CSMD3: variants seen among roughly 807,000 people sequenced by gnomAD.
The protein encoded by CSMD3 is CUB and Sushi multiple domains 3, also known as CUB and sushi domain-containing protein 3.
A neutral mutation model predicts 435.2 loss-of-function variants in CSMD3; 177 were observed. The ratio of observed to expected loss-of-function variants is 0.41; its 90% CI spans 0.36 to 0.46. The LOEUF (loss-of-function observed/expected upper bound fraction) is 0.46, where lower values mean the gene tolerates loss of function less well. CSMD3 is among the 20% of genes least tolerant of loss of function. The pLI, the probability that CSMD3 is intolerant of heterozygous loss-of-function variation, is 0.34. For synonymous variants in CSMD3, 1,656 were observed against 1,520.5 expected (o/e 1.09, Z -2.07); for missense variants, 4,265 against 4,504.6 (o/e 0.95, Z 1.52).
At position 113,074,576 on chromosome 8, in the gene CSMD3, A is replaced by G. The variant is rs146768355; in HGVS notation, c.917+24180T>C. On this transcript the variant is annotated intron_variant, in intron 5 of 70. Coordinates refer to ENST00000297405, the MANE Select transcript of CSMD3 (RefSeq NM_198123.2). ...CTTAGTCAATGGAATTATGTATCATATAATCTTACTTGCTATAGTTAGTTA... is the reference window on the plus strand; with the variant it reads ...CTTAGTCAATGGAATTATGTATCATGTAATCTTACTTGCTATAGTTAGTTA... 9.5e-3 allele frequency among the ~76,000 whole-genome samples: 1,450 copies of G among 152,044 alleles called. 8 individuals are homozygous for G. The highest frequency in any genetic ancestry group is 0.015 in the Non-Finnish European group (1,000 of 67,816).
intron 5 of CSMD3, among the ~76,000 whole-genome samples, chr8:113,064,499 T>C (rs2088766775): frequency 6.6e-6 from 1 of 152,172 alleles, no homozygotes; most frequent in African/African-American, 2.4e-5. Flanking sequence ...AATTAATTCA[T>C]TTATTTAAGA....
At chr8:112,903,175 A>G (rs973547631) in intron 10 of CSMD3, among the ~76,000 whole-genome samples, 1 of 148,480 alleles carries the variant, frequency 6.7e-6, no homozygotes, top group East Asian at 2.0e-4. Context: ...AAAAAAAAAA[A>G]GAAAAGAAAA....
intron 1 of CSMD3, among the ~76,000 whole-genome samples, chr8:113,359,883 T>C (rs953818031): frequency 6.6e-6 from 1 of 152,150 alleles, no homozygotes; most frequent in Non-Finnish European, 1.5e-5. Context: ...AGACTTAAAA[T>C]TTTGAAATCA....
intron 4 of CSMD3, among the ~76,000 whole-genome samples, chr8:113,152,216 C>A (rs2091823463): frequency 6.6e-6 from 1 of 151,778 alleles, no homozygotes; most frequent in Admixed American, 6.6e-5. Flanking sequence ...AGCAAGTAGA[C>A]AAAACTTAAA....
At chr8:113,228,034 A>G (rs1347551703) in intron 3 of CSMD3, among the ~76,000 whole-genome samples, 1 of 151,552 alleles carries the variant, frequency 6.6e-6, no homozygotes, top group African/African-American at 2.4e-5. Flanking sequence ...CTCTTACAAC[A>G]ATAAATTGGG....
rs1824455948 is a variant in CSMD3, at chr8:112,335,338, T to C, written c.7156A>G (p.Ser2386Gly). 1.2e-6 allele frequency: 2 copies of C among 1,613,894 alleles called. No individual in the cohort carries two copies. The highest frequency in any genetic ancestry group is 1.7e-6 in the Non-Finnish European group (2 of 1,179,876). ...DFTTSGFFVL[S>G]YHAYQLRVCQ... ...CTCAGATAATACCAACCGTGATAACTGAGCACAAAAAAGCCACTTGTTGTG... is the reference window on the plus strand; with the variant it reads ...CTCAGATAATACCAACCGTGATAACCGAGCACAAAAAAGCCACTTGTTGTG... The change falls in exon 45 of 71, where the codon AGT becomes GGT. Residue 2386 changes from serine to glycine, a missense_variant. By Grantham distance (56) the Ser-to-Gly change is moderately conservative. Coordinates refer to ENST00000297405, the MANE Select transcript of CSMD3 (RefSeq NM_198123.2).
chr8:112,781,011 C>T (rs1013288094), intron 13 of CSMD3, among the ~76,000 whole-genome samples: 2 of 152,012 alleles, frequency 1.3e-5, no homozygotes, highest in African/African-American at 4.8e-5. Flanking sequence ...CTTCTGTCAC[C>T]CACCCCTAAC....
chr8:112,524,845 T>G lies in CSMD3; in HGVS notation c.4565-7620A>C, dbSNP rs190615332. ...CTTCTTTATATGAATTATCTGAATA[T>G]TAAAATAACGTGCAAAATAATCATT... On this transcript the variant is annotated intron_variant, in intron 27 of 70. Transcript: ENST00000297405. Among the ~76,000 whole-genome samples, 294 of 152,124 alleles carry G rather than the reference T, an allele frequency of 1.9e-3. 1 individual carries two copies. Among genetic ancestry groups the G allele is most frequent in the African/African-American group, 6.7e-3 (277 of 41,552 alleles).
chr8:113,328,543 C>CA (rs2094001768), intron 1 of CSMD3, among the ~76,000 whole-genome samples: 1 of 151,606 alleles, frequency 6.6e-6, no homozygotes, highest in African/African-American at 2.4e-5. Context: ...GATAGCCATG[C>CA]ACTAGAAAGA....
In CSMD3 at chr8:113,098,910, G is replaced by T; in HGVS notation, c.763C>A (p.Pro255Thr). ...MRGSSGIISS[P>T]SFPNEYHNNA... ...TTATGGTACTCATTAGGAAAACTAG[G>T]GCTGGATATGATGCCACTGGATCCT... Residue 255 changes from proline (P) to threonine (T), a missense_variant, in exon 5 of 71, where the codon CCT becomes ACT. Transcript: ENST00000297405. 6.2e-7 allele frequency: 1 copy of T among 1,612,678 alleles called. No homozygotes were observed. Among genetic ancestry groups the T allele is most frequent in the Non-Finnish European group, 8.5e-7 (1 of 1,178,994 alleles).
chr8:112,584,678 G>A (rs1830583298), intron 23 of CSMD3, among the ~76,000 whole-genome samples: 1 of 151,712 alleles, frequency 6.6e-6, no homozygotes, highest in Non-Finnish European at 1.5e-5. Context: ...TTACAAGACA[G>A]TGTCATTCCA....
At chr8:112,830,082 G>C (rs2079824807) in intron 11 of CSMD3, among the ~76,000 whole-genome samples, 1 of 152,036 alleles carries the variant, frequency 6.6e-6, no homozygotes, top group African/African-American at 2.4e-5. Context: ...CATGGTTTCT[G>C]TTTATAGAAT....
chr8:112,692,931 AT>A, intron 13 of CSMD3, among the ~76,000 whole-genome samples: 1 of 146,964 alleles, frequency 6.8e-6, no homozygotes, highest in South Asian at 2.1e-4. Context: ...CTATCTATCT[AT>A]CTATCTATCT....
chr8:112,575,486 T>C (rs1236832681), intron 23 of CSMD3, among the ~76,000 whole-genome samples: 1 of 152,056 alleles, frequency 6.6e-6, no homozygotes, highest in African/African-American at 2.4e-5. Flanking sequence ...GTCAAGTTTT[T>C]AAAAAATGTA....
At chr8:112,422,753 A>T (rs1165261418) in intron 32 of CSMD3, among the ~76,000 whole-genome samples, 1 of 152,212 alleles carries the variant, frequency 6.6e-6, no homozygotes, top group Non-Finnish European at 1.5e-5. Context: ...TTATCTTACA[A>T]ATTCAAAATT....
intron 18 of CSMD3, among the ~76,000 whole-genome samples, chr8:112,651,974 C>T (rs1224761152): frequency 1.3e-5 from 2 of 152,108 alleles, no homozygotes; most frequent in African/African-American, 4.8e-5. Context: ...CCCTCATCAC[C>T]TCAAGTTTAT....
chr8:113,239,931 A>G (rs1004055686), intron 3 of CSMD3, among the ~76,000 whole-genome samples: 60 of 152,170 alleles, frequency 3.9e-4, no homozygotes, highest in Non-Finnish European at 4.4e-5. Context: ...GGGGTTTGTT[A>G]TGCAGGCTAT....
chr8:113,233,602 T>C (rs893659997), intron 3 of CSMD3, among the ~76,000 whole-genome samples: 1 of 151,254 alleles, frequency 6.6e-6, no homozygotes, highest in Non-Finnish European at 1.5e-5. Context: ...AAACAGACTA[T>C]AAACATCAAT....
At chr8:112,408,257 A>G in intron 34 of CSMD3, 61 bp downstream of exon 34, 1 of 978,390 alleles carries the variant, frequency 1.0e-6, no homozygotes, top group Non-Finnish European at 1.5e-6. Flanking sequence ...AAAAACTCTG[A>G]ATACATCATG....
Sources: allele counts gnomAD v4.1 joint callset (sites outside exome capture counted in the v4.1 genomes callset), GRCh38; gene constraint gnomAD v4.1.1; transcripts MANE v1.5; gene names NCBI Gene and HGNC (gene_info 2026-07-23, HGNC 2026-07-21).